KLHL29: variants seen among roughly 807,000 people sequenced by gnomAD.
KLHL29 encodes the protein kelch-like protein 29.
A neutral mutation model predicts 80.4 loss-of-function variants in KLHL29; 21 were observed. The ratio of observed to expected loss-of-function variants is 0.26; its 90% CI spans 0.19 to 0.38. The LOEUF (loss-of-function observed/expected upper bound fraction) is 0.38. KLHL29 is among the 10% of genes least tolerant of loss of function. The pLI, the probability that KLHL29 is intolerant of heterozygous loss-of-function variation, is 1.00. For synonymous variants in KLHL29, 511 were observed against 526.8 expected (o/e 0.97, Z 0.41); for missense variants, 867 against 1,223.9 (o/e 0.71, Z 4.35).
At chr2:23,506,316 C>T (rs972696076) in intron 2 of KLHL29, among the ~76,000 whole-genome samples, 3 of 152,174 alleles carry the variant, frequency 2.0e-5, no homozygotes, top group Non-Finnish European at 4.4e-5. Flanking sequence ...CCTGACCCTT[C>T]ACCTACAGAT....
chr2:23,446,424 C>T (rs552995049), intron 1 of KLHL29, among the ~76,000 whole-genome samples: 1 of 152,252 alleles, frequency 6.6e-6, no homozygotes, highest in East Asian at 1.9e-4. Context: ...CTGTCATATT[C>T]TTCCATAGTC....
intron 3 of KLHL29, among the ~76,000 whole-genome samples, chr2:23,585,099 G>T (rs1478464694): frequency 1.3e-5 from 2 of 152,202 alleles, no homozygotes; most frequent in African/African-American, 2.4e-5. Context: ...GACCCCAAGA[G>T]CAGGAAACGG....
At chr2:23,645,613 G>T (rs1418634041) in intron 5 of KLHL29, among the ~76,000 whole-genome samples, 1 of 152,170 alleles carries the variant, frequency 6.6e-6, no homozygotes. Context: ...CCTCTCCCGG[G>T]GTTGAGTAAT....
chr2:23,642,941 A>T, intron 5 of KLHL29, 91 bp downstream of exon 5: 1 of 1,441,448 alleles, frequency 6.9e-7, no homozygotes, highest in Non-Finnish European at 9.5e-7. Context: ...GGGGTGCTTC[A>T]TGCCAGCTCC....
At chr2:23,466,503 A>G (rs1291188682) in intron 1 of KLHL29, among the ~76,000 whole-genome samples, 1 of 152,368 alleles carries the variant, frequency 6.6e-6, no homozygotes, top group Non-Finnish European at 1.5e-5. Context: ...AAGAAGAAGC[A>G]GATGGCTAAA....
chr2:23,514,335 G>T (rs2103464478), intron 2 of KLHL29, among the ~76,000 whole-genome samples: 1 of 152,302 alleles, frequency 6.6e-6, no homozygotes, highest in Middle Eastern at 3.4e-3. Context: ...GGAGGATAAG[G>T]AGTGGACCTT....
chr2:23,691,662 C>G lies in KLHL29; in HGVS notation c.1080-12C>G, dbSNP rs1383615358. Reference sequence around the variant, plus strand: ...GGGCAGGAGGTAAGGACACCCTGGTCTCTGTGCCTAGGTCCGTGCAAGACA... The same window carrying G: ...GGGCAGGAGGTAAGGACACCCTGGTGTCTGTGCCTAGGTCCGTGCAAGACA... On this transcript the variant is annotated splice_polypyrimidine_tract_variant and intron_variant, in intron 6 of 13. Coordinates refer to ENST00000486442, the MANE Select transcript of KLHL29 (RefSeq NM_052920.2). 19 of 1,551,242 alleles carry G rather than the reference C, an allele frequency of 1.2e-5. No individual in the cohort carries two copies. Among genetic ancestry groups the G allele is most frequent in the Non-Finnish European group, 1.5e-5 (17 of 1,146,834 alleles).
At chr2:23,565,519 G>A (rs1388552702) in intron 3 of KLHL29, among the ~76,000 whole-genome samples, 8 of 152,306 alleles carry the variant, frequency 5.3e-5, no homozygotes, top group Middle Eastern at 3.4e-3. Flanking sequence ...AGGGAGCTGG[G>A]GGGAAGAGGC....
intron 2 of KLHL29, among the ~76,000 whole-genome samples, chr2:23,522,359 A>T (rs1666132024): frequency 1.3e-5 from 2 of 152,216 alleles, no homozygotes; most frequent in African/African-American, 4.8e-5. Context: ...CATGTTGGCC[A>T]GGCTGGTCTC....
Position 23,552,948 on chromosome 2 carries a change from C to T in KLHL29, c.-45-9204C>T, listed in dbSNP as rs150899744. ...CCAATTTTTGTATTTTTAGTAGAGA[C>T]GTGGTTTCACCATGTGGGCCAGGCT... On this transcript the variant is annotated intron_variant, in intron 2 of 13. Coordinates refer to ENST00000486442, the MANE Select transcript of KLHL29 (RefSeq NM_052920.2). Among the ~76,000 whole-genome samples, 599 of 151,990 alleles carry T rather than the reference C, an allele frequency of 3.9e-3. 4 individuals are homozygous for T. Among genetic ancestry groups the T allele is most frequent in the African/African-American group, 0.013 (554 of 41,450 alleles).
intron 1 of KLHL29, among the ~76,000 whole-genome samples, chr2:23,421,808 TTGTC>T (rs1453352547): frequency 5.3e-5 from 8 of 151,218 alleles, no homozygotes; most frequent in African/African-American, 1.5e-4. Context: ...GTGTGTCCAT[TTGTC>T]TGTGTGTATG....
intron 2 of KLHL29, among the ~76,000 whole-genome samples, chr2:23,530,336 A>T (rs1686428927): frequency 6.6e-6 from 1 of 152,220 alleles, no homozygotes; most frequent in African/African-American, 2.4e-5. Flanking sequence ...TCACGCTGGA[A>T]TGTTGCCAAG....
At chr2:23,676,192 T>G (rs7564319) in intron 5 of KLHL29, among the ~76,000 whole-genome samples, 119,228 of 151,146 alleles carry the variant, frequency 0.79, 49,642 homozygotes, top group East Asian at 0.99. Flanking sequence ...TTTTTGTTTT[T>G]TTTTTTTTTG....
chr2:23,642,683 C>T lies in KLHL29; in HGVS notation c.773C>T (p.Ala258Val). The change falls in exon 5 of 14, where the codon GCA (alanine) becomes GTA (valine). Residue 258 changes from alanine (A) to valine (V), a missense_variant. By Grantham distance (64) the Ala-to-Val change is moderately conservative. Transcript: ENST00000486442. ...GPTAVGNGHMAGPLLPPPPPA... is the reference protein window; with the variant it reads ...GPTAVGNGHMVGPLLPPPPPA... ...ACCGCTGTGGGCAACGGCCACATGG[C>T]AGGGCCCCTGCTGCCTCCACCGCCG... 1 of 1,547,990 alleles carries T rather than the reference C, an allele frequency of 6.5e-7. No individual in the cohort carries two copies. Among genetic ancestry groups the T allele is most frequent in the Non-Finnish European group, 8.7e-7 (1 of 1,145,510 alleles).
chr2:23,424,729 T>C (rs908348734), intron 1 of KLHL29, among the ~76,000 whole-genome samples: 6 of 152,206 alleles, frequency 3.9e-5, no homozygotes, highest in African/African-American at 1.4e-4. Flanking sequence ...TTGCCTTTTA[T>C]TGATTAGAAA....
At position 23,405,531 on chromosome 2, in the gene KLHL29, ATCAGGGACTGGTTCTGG is replaced by A. The variant is rs1666702099; in HGVS notation, c.-154+19758_-154+19774del. ...CTTTTCCATGGCCTATGAGAACTTC[ATCAGGGACTGGTTCTGG>A]TCAGGGGCTGGCATCCAGTTCCACA... On this transcript the variant is annotated intron_variant, in intron 1 of 13. Coordinates refer to ENST00000486442, the MANE Select transcript of KLHL29 (RefSeq NM_052920.2). Among the ~76,000 whole-genome samples, 7 of 152,350 alleles carry A rather than the reference ATCAGGGACTGGTTCTGG, an allele frequency of 4.6e-5. No homozygotes were observed. The South Asian group carries it at 1.4e-3, about 32-fold the overall frequency.
intron 1 of KLHL29, among the ~76,000 whole-genome samples, chr2:23,465,145 G>T (rs1291190365): frequency 4.6e-5 from 7 of 152,198 alleles, no homozygotes. Context: ...CAAACTCGAG[G>T]TCTCGTACTG....
intron 1 of KLHL29, among the ~76,000 whole-genome samples, chr2:23,412,618 G>A (rs2723113): frequency 0.79 from 120,711 of 152,080 alleles, 48,122 homozygotes; most frequent in African/African-American, 0.87. Flanking sequence ...GGACAGAGCT[G>A]TGAGAACCAG....
intron 1 of KLHL29, among the ~76,000 whole-genome samples, chr2:23,464,811 G>A (rs993260820): frequency 6.6e-6 from 1 of 152,108 alleles, no homozygotes; most frequent in African/African-American, 2.4e-5. Context: ...AAGTTGATGG[G>A]TGTAATTTAT....
Sources: gnomAD v4.1 joint callset for allele counts (sites outside exome capture counted in the v4.1 genomes callset) on GRCh38, gnomAD v4.1.1 for gene constraint, MANE v1.5 for transcripts, NCBI Gene and HGNC (gene_info 2026-07-23, HGNC 2026-07-21) for gene names.